The following PHF21A variants were observed in gnomAD, a reference collection of about 807,000 sequenced individuals.
PHF21A encodes the protein BHC80a.
A neutral mutation model predicts 82.5 loss-of-function variants in PHF21A; 11 were observed. That is an observed-to-expected ratio of 0.13 (90% CI 0.08 to 0.22). The LOEUF (loss-of-function observed/expected upper bound fraction) is 0.22. PHF21A is among the 10% of genes least tolerant of loss of function. The pLI is 1.00. For synonymous variants in PHF21A, 297 were observed against 302.8 expected (o/e 0.98, Z 0.20); for missense variants, 579 against 837.8 (o/e 0.69, Z 3.81).
At chr11:45,952,435 G>T (rs571411362) in intron 11 of PHF21A, among the ~76,000 whole-genome samples, 2 of 152,288 alleles carry the variant, frequency 1.3e-5, no homozygotes, top group South Asian at 4.1e-4. Flanking sequence ...CAGAAACAAG[G>T]TCTCACTATG....
At chr11:46,110,714 G>A (rs2097202138) in intron 1 of PHF21A, among the ~76,000 whole-genome samples, 1 of 152,060 alleles carries the variant, frequency 6.6e-6, no homozygotes, top group Non-Finnish European at 1.5e-5. Flanking sequence ...TAAAGTAGAA[G>A]CATATCAGAC....
intron 6 of PHF21A, among the ~76,000 whole-genome samples, chr11:46,059,676 C>T (rs1252540819): frequency 6.6e-6 from 1 of 152,142 alleles, no homozygotes; most frequent in African/African-American, 2.4e-5. Flanking sequence ...TCTGCCTCAG[C>T]CTCCCAAAGT....
intron 1 of PHF21A, among the ~76,000 whole-genome samples, chr11:46,110,489 T>TA (rs2097199731): frequency 6.6e-6 from 1 of 152,208 alleles, no homozygotes; most frequent in Non-Finnish European, 1.5e-5. Context: ...CCAACTTTAG[T>TA]ATTTCAGTAA....
At position 45,969,842 on chromosome 11, in the gene PHF21A, G is replaced by A; in HGVS notation, c.675C>T (p.Leu225=). 1 of 1,613,684 alleles carries A rather than the reference G, an allele frequency of 6.2e-7. No homozygotes were observed. Among genetic ancestry groups the A allele is most frequent in the South Asian group, 1.1e-5 (1 of 91,046 alleles). The change falls in exon 9 of 19, where the codon CTC becomes CTT. Residue 225 remains leucine, a synonymous_variant. Coordinates refer to ENST00000676320, the MANE Select transcript of PHF21A (RefSeq NM_001352027.3). ...GTGGAAGAAAGTTTGGACGTGGAGTGAGTCTAGGAGGGGGGATAAACTGTG... is the reference window on the plus strand; with the variant it reads ...GTGGAAGAAAGTTTGGACGTGGAGTAAGTCTAGGAGGGGGGATAAACTGTG... ...KVPQFIPPPR[L]TPRPNFLPQV...
intron 6 of PHF21A, among the ~76,000 whole-genome samples, chr11:45,997,032 C>G (rs2094930916): frequency 6.6e-6 from 1 of 152,218 alleles, no homozygotes; most frequent in South Asian, 2.1e-4. Flanking sequence ...ATATTTAAAA[C>G]ACTTTTCTAG....
chr11:46,023,572 T>G (rs1343685156), intron 6 of PHF21A, among the ~76,000 whole-genome samples: 2 of 152,072 alleles, frequency 1.3e-5, no homozygotes, highest in African/African-American at 4.8e-5. Flanking sequence ...AAAAAGAGGT[T>G]AGTAAGTTTA....
chr11:46,106,322 G>A (rs1289931064), intron 1 of PHF21A, among the ~76,000 whole-genome samples: 2 of 152,034 alleles, frequency 1.3e-5, no homozygotes, highest in East Asian at 3.8e-4. Flanking sequence ...AGGGTGGGGG[G>A]GAACCATCAG....
intron 6 of PHF21A, among the ~76,000 whole-genome samples, chr11:46,074,035 G>A (rs906340697): frequency 3.3e-5 from 5 of 151,974 alleles, no homozygotes; most frequent in Admixed American, 3.3e-4. Flanking sequence ...AACTGAGTAA[G>A]TATCAAAGAT....
chr11:45,942,877 A>C (rs1565175798), intron 15 of PHF21A, among the ~76,000 whole-genome samples: 1 of 152,194 alleles, frequency 6.6e-6, no homozygotes, highest in Non-Finnish European at 1.5e-5. Context: ...TTCACCAAAT[A>C]ACTGGAACAT....
intron 1 of PHF21A, chr11:46,117,957 G>A (rs939263811): frequency 2.0e-5 from 3 of 152,196 alleles, no homozygotes; most frequent in Non-Finnish European, 4.4e-5. Flanking sequence ...TGTTAATCCT[G>A]TTGCTTAGCT....
intron 4 of PHF21A, among the ~76,000 whole-genome samples, chr11:46,081,543 A>C (rs1167834573): frequency 6.6e-6 from 1 of 152,206 alleles, no homozygotes; most frequent in African/African-American, 2.4e-5. Context: ...AGAGGAAATA[A>C]ATAAGCCAAT....
intron 6 of PHF21A, among the ~76,000 whole-genome samples, chr11:46,025,407 T>C (rs2138044227): frequency 6.6e-6 from 1 of 152,330 alleles, no homozygotes; most frequent in African/African-American, 2.4e-5. Flanking sequence ...ATATCCCCTT[T>C]CTTCCTGCTT....
chr11:46,067,687 CA>C (rs1295795776), intron 6 of PHF21A, among the ~76,000 whole-genome samples: 1 of 151,938 alleles, frequency 6.6e-6, no homozygotes, highest in African/African-American at 2.4e-5. Context: ...GCCACCTTAC[CA>C]GCTTTCTGAG....
At chr11:45,981,220 C>T (rs993325545) in intron 6 of PHF21A, among the ~76,000 whole-genome samples, 39 of 151,330 alleles carry the variant, frequency 2.6e-4, no homozygotes, top group African/African-American at 2.2e-4. Flanking sequence ...ACCCCATCTC[C>T]GCTAAAAATA....
At chr11:45,977,976 C>T (rs2094117493) in intron 7 of PHF21A, among the ~76,000 whole-genome samples, 1 of 151,920 alleles carries the variant, frequency 6.6e-6, no homozygotes, top group Admixed American at 6.6e-5. Flanking sequence ...AATTATGTAA[C>T]CTCTCTGTGC....
At chr11:46,048,362 C>CA (rs2096288150) in intron 6 of PHF21A, among the ~76,000 whole-genome samples, 1 of 152,150 alleles carries the variant, frequency 6.6e-6, no homozygotes, top group South Asian at 2.1e-4. Flanking sequence ...TTTTTATTGT[C>CA]AAATAATATT....
At chr11:45,948,332 G>A (rs947963080) in intron 14 of PHF21A, among the ~76,000 whole-genome samples, 7 of 152,178 alleles carry the variant, frequency 4.6e-5, no homozygotes, top group African/African-American at 1.7e-4. Flanking sequence ...AGCTCTTTAG[G>A]AATCTGTTCT....
chr11:45,935,438 G>A, intron 18 of PHF21A, 198 bp downstream of exon 18: 2 of 661,980 alleles, frequency 3.0e-6, no homozygotes, highest in Non-Finnish European at 5.2e-6. Context: ...CTTGGGTAAG[G>A]CACCACCTAC....
chr11:46,032,878 G>A (rs1412590799), intron 6 of PHF21A, among the ~76,000 whole-genome samples: 1 of 152,118 alleles, frequency 6.6e-6, no homozygotes, highest in Non-Finnish European at 1.5e-5. Context: ...ATAAGTACAT[G>A]TGTGAATGTA....
Sources: allele counts gnomAD v4.1 joint callset (sites outside exome capture counted in the v4.1 genomes callset), GRCh38; gene constraint gnomAD v4.1.1; transcripts MANE v1.5; gene names NCBI Gene and HGNC (gene_info 2026-07-23, HGNC 2026-07-21).